Variants in LIPE observed in about 807,000 individuals in gnomAD.
LIPE encodes the protein lipase E, hormone sensitive type.
In LIPE, 66 loss-of-function variants were observed where a neutral mutation model predicts 88.5. The observed-to-expected ratio is 0.75, with a 90% confidence interval of 0.61 to 0.91. The LOEUF (loss-of-function observed/expected upper bound fraction) is 0.91. LIPE is among the 40% of genes least tolerant of loss of function. The pLI is 0.00. For synonymous variants in LIPE, 570 were observed against 617.5 expected (o/e 0.92, Z 1.14); for missense variants, 1,346 against 1,434.7 (o/e 0.94, Z 1.00).
chr19:42,423,036 C>G (rs1244608184), intron 1 of LIPE: 1 of 232,868 alleles, frequency 4.3e-6, no homozygotes, highest in African/African-American at 2.4e-5. Context: ...CCTCCTTCCC[C>G]CTTATCCTCT....
At position 42,410,594 on chromosome 19, in the gene LIPE, G is replaced by T. The variant is rs1307820705; in HGVS notation, c.1132C>A (p.His378Asn). ...TGCGCCAGGCAGCAGCGGGCTGTGT[G>T]CACTAGGCTGCGGTACCCGTTGGCC... ...TPANGYRSLV[H>N]TARCCLAHLL... The change falls in exon 2 of 10, where the codon CAC becomes AAC. Residue 378 changes from histidine to asparagine, a missense_variant. Coordinates refer to ENST00000244289, the MANE Select transcript of LIPE (RefSeq NM_005357.4). The surrounding 1 kb of genome is among the most constrained non-coding windows in gnomAD (Gnocchi z 6.1). The T allele has an allele frequency of 1.9e-6, 3 of 1,613,236 alleles. No homozygotes were observed. The highest frequency in any genetic ancestry group is 2.5e-6 in the Non-Finnish European group (3 of 1,179,958).
Position 42,401,657 on chromosome 19 carries a change from C to A in LIPE, c.*155G>T, listed in dbSNP as rs986777137. The A allele has an allele frequency of 3.4e-6, 2 of 590,964 alleles. No homozygotes were observed. The highest frequency in any genetic ancestry group is 5.6e-6 in the Non-Finnish European group (2 of 358,018). The allele number at this position is 590,964 out of a possible 1,614,324, so 36.6% of individuals were successfully genotyped here. On this transcript the variant is annotated 3_prime_UTR_variant, in exon 10 of 10. Coordinates refer to ENST00000244289, the MANE Select transcript of LIPE (RefSeq NM_005357.4). Reference sequence around the variant, plus strand: ...GCCGTCTCGGTGACCGGTGTGTGTGCGCGTCCCCCTCCCCGTGGCGAGGGT... The same window carrying A: ...GCCGTCTCGGTGACCGGTGTGTGTGAGCGTCCCCCTCCCCGTGGCGAGGGT...
rs750192801 is a variant in LIPE, at chr19:42,426,908, G to A, written c.242C>T (p.Ser81Phe). Residue 81 changes from serine to phenylalanine, a missense_variant, in exon 1 of 10, where the codon TCT becomes TTT. Coordinates refer to ENST00000244289, the MANE Select transcript of LIPE (RefSeq NM_005357.4). ...GGCAAGAAATTCCTCTTGTGAAGCA[G>A]ATTTTTGTTGGGCTCTAGGTTCCTT... ...SQKEPRAQQK[S>F]ASQEEFLAPQ... The A allele has an allele frequency of 2.5e-6, 4 of 1,614,196 alleles. No individual in the cohort carries two copies. The South Asian group carries it at 4.4e-5, about 18-fold the overall frequency.
chr19:42,426,492 G>C lies in LIPE; in HGVS notation c.658C>G (p.Leu220Val). The change falls in exon 1 of 10, where the codon CTA becomes GTA. Residue 220 changes from leucine (L) to valine (V), a missense_variant. Coordinates refer to ENST00000244289, the MANE Select transcript of LIPE (RefSeq NM_005357.4). ...LQELSIQRSA[L>V]EWKALSEWVT... ...CACTCAGAAAGTGCCTTCCACTCTA[G>C]GGCTGATCGCTGTATGGATAGTTCC... 6.2e-7 allele frequency: 1 copy of C among 1,614,188 alleles called. No homozygotes were observed. The highest frequency in any genetic ancestry group is 8.5e-7 in the Non-Finnish European group (1 of 1,180,028).
At position 42,410,696 on chromosome 19, in the gene LIPE, G is replaced by C; in HGVS notation, c.1030C>G (p.Gln344Glu). The C allele has an allele frequency of 6.2e-7, 1 of 1,613,316 alleles. No homozygotes were observed. Among genetic ancestry groups the C allele is most frequent in the South Asian group, 1.1e-5 (1 of 91,034 alleles). ...AGGGCCGGCTCCAGCCCCAGCGCCT[G>C]CTCCCGTACACCGGCAAAAACGCCT... The part of the protein sequence containing the change: ...LSGVFAGVRE[Q>E]ALGLEPALGR... Residue 344 changes from glutamine to glutamate, a missense_variant, in exon 2 of 10, where the codon CAG (glutamine) becomes GAG (glutamate). Physicochemically the swap from Gln to Glu is conservative, Grantham distance 29. Transcript: ENST00000244289. The surrounding 1 kb of genome is among the most constrained non-coding windows in gnomAD (Gnocchi z 6.1).
chr19:42,415,814 A>C (rs2040475668), intron 1 of LIPE, among the ~76,000 whole-genome samples: 1 of 151,912 alleles, frequency 6.6e-6, no homozygotes, highest in Non-Finnish European at 1.5e-5. Context: ...CGTCTGGAAA[A>C]AAAAAAAAAA....
At position 42,410,266 on chromosome 19, in the gene LIPE, C is replaced by G; in HGVS notation, c.1419+41G>C. The G allele has an allele frequency of 6.6e-7, 1 of 1,516,704 alleles. No homozygotes were observed. The highest frequency in any genetic ancestry group is 2.1e-5 in the Admixed American group (1 of 48,490). The allele number at this position is 1,516,704 out of a possible 1,614,324, so 94.0% of individuals were successfully genotyped here. ...GGCCAGGCCAGGGGCCACCAGGTGCCTTCATTGTGGGCCCAGAGGGGCACG... is the reference window on the plus strand; with the variant it reads ...GGCCAGGCCAGGGGCCACCAGGTGCGTTCATTGTGGGCCCAGAGGGGCACG... On this transcript the variant is annotated intron_variant, in intron 2 of 9. Coordinates refer to ENST00000244289, the MANE Select transcript of LIPE (RefSeq NM_005357.4). The surrounding 1 kb of genome is among the most constrained non-coding windows in gnomAD (Gnocchi z 6.1).
rs373855767 is a variant in LIPE at position 42,407,472 on chromosome 19, G to A, written c.1843-4C>T. The A allele has an allele frequency of 2.9e-5, 46 of 1,607,042 alleles. No individual in the cohort carries two copies. In the African/African-American group the frequency reaches 4.7e-4, roughly 16 times the overall value. Reference sequence around the variant, plus strand: ...GGCTGCTGAGCTCCTCACTGTCCTGGGGGTGAGGAGGGAGACGGTGTGTGA... The same window carrying A: ...GGCTGCTGAGCTCCTCACTGTCCTGAGGGTGAGGAGGGAGACGGTGTGTGA... On this transcript the variant is annotated splice_region_variant and splice_polypyrimidine_tract_variant and intron_variant, in intron 5 of 9. Transcript: ENST00000244289. The surrounding 1 kb of genome is among the most constrained non-coding windows in gnomAD (Gnocchi z 5.8).
intron 2 of LIPE, among the ~76,000 whole-genome samples, chr19:42,409,911 G>A (rs1288395097): frequency 2.0e-5 from 3 of 152,254 alleles, no homozygotes; most frequent in Middle Eastern, 3.4e-3. Context: ...GCTGAGGTGC[G>A]GGGAGGCCCA....
chr19:42,401,879 G>C lies in LIPE; in HGVS notation c.3164C>G (p.Ala1055Gly). The C allele has an allele frequency of 6.5e-7, 1 of 1,535,816 alleles. No individual in the cohort carries two copies. Among genetic ancestry groups the C allele is most frequent in the Non-Finnish European group, 8.7e-7 (1 of 1,146,690 alleles). The change falls in exon 10 of 10, where the codon GCC (alanine) becomes GGC (glycine). Residue 1055 changes from alanine (A) to glycine (G), a missense_variant. Physicochemically the swap from Ala to Gly is moderately conservative, Grantham distance 60 (BLOSUM62 0). Transcript: ENST00000244289. ...ERIRLVLTPP[A>G]GAGPSGETGA... Reference sequence around the variant, plus strand: ...CGTCTCCCCGCTCGGCCCGGCTCCGGCGGGAGGAGTGAGGACGAGGCGGAT... The same window carrying C: ...CGTCTCCCCGCTCGGCCCGGCTCCGCCGGGAGGAGTGAGGACGAGGCGGAT...
intron 1 of LIPE, chr19:42,425,228 A>G (rs1194005573): frequency 6.4e-6 from 1 of 156,128 alleles, no homozygotes; most frequent in Non-Finnish European, 1.4e-5. Flanking sequence ...TTTGTATTGT[A>G]TTGCTGGGAC....
At chr19:42,424,360 T>C (rs2040667119) in intron 1 of LIPE, 1 of 456,698 alleles carries the variant, frequency 2.2e-6, no homozygotes, top group Non-Finnish European at 4.4e-6. Flanking sequence ...AGCCAACTGC[T>C]TCTGGACCGC....
Position 42,426,803 on chromosome 19 carries a change from C to G in LIPE, c.347G>C (p.Gly116Ala), listed in dbSNP as rs764028897. 16 of 1,613,908 alleles carry G rather than the reference C, an allele frequency of 9.9e-6. No homozygotes were observed. The highest frequency in any genetic ancestry group is 1.3e-5 in the African/African-American group (1 of 74,870). The change falls in exon 1 of 10, where the codon GGA becomes GCA. Residue 116 changes from glycine to alanine, a missense_variant. Transcript: ENST00000244289. Reference sequence around the variant, plus strand: ...TATAGATTCTTTTCCTAGCCCAGGTCCCTGCTGGGAGGCAGCTTCCTGTTG... The same window carrying G: ...TATAGATTCTTTTCCTAGCCCAGGTGCCTGCTGGGAGGCAGCTTCCTGTTG... The part of the protein sequence containing the change: ...LTQQEAASQQ[G>A]PGLGKESITQ...
In LIPE at chr19:42,426,722, G is replaced by A; in HGVS notation, c.428C>T (p.Pro143Leu). 6.2e-7 allele frequency: 1 copy of A among 1,614,196 alleles called. No homozygotes were observed. The highest frequency in any genetic ancestry group is 8.5e-7 in the Non-Finnish European group (1 of 1,180,042). The change falls in exon 1 of 10, where the codon CCA (proline) becomes CTA (leucine). Residue 143 changes from proline (P) to leucine (L), a missense_variant. Physicochemically the swap from Pro to Leu is moderately conservative, Grantham distance 98. Coordinates refer to ENST00000244289, the MANE Select transcript of LIPE (RefSeq NM_005357.4). ...TTGTTGAGCTGGAGGTGGCTCTCCT[G>A]GCCCAGGCCCTGGCTGGGCTACATG... ...QRHVAQPGPG[P>L]GEPPPAQQEA... is the part of the protein sequence containing the mutation.
chr19:42,426,650 C>T lies in LIPE; in HGVS notation c.500G>A (p.Arg167Lys), dbSNP rs970114073. Residue 167 changes from arginine to lysine, a missense_variant, in exon 1 of 10, where the codon AGG (arginine) becomes AAG (lysine). Transcript: ENST00000244289. ...PAAQAKPGAK[R>K]EPSAPTESTS... is the part of the protein sequence containing the mutation. ...AGATTCAGTCGGGGCAGATGGCTCC[C>T]TTTTGGCTCCAGGTTTAGCCTGGGC... 1.2e-6 allele frequency: 2 copies of T among 1,614,076 alleles called. No individual in the cohort carries two copies. Among genetic ancestry groups the T allele is most frequent in the South Asian group, 2.2e-5 (2 of 91,084 alleles).
chr19:42,402,720 G>GGCTGGAGC lies in LIPE; in HGVS notation c.2846_2853dup (p.Gln952AlafsTer16), dbSNP rs773945877. 6.4e-7 allele frequency: 1 copy of GGCTGGAGC among 1,552,790 alleles called. No individual in the cohort carries two copies. On this transcript the variant is annotated frameshift_variant, in exon 9 of 10. Coordinates refer to ENST00000244289, the MANE Select transcript of LIPE (RefSeq NM_005357.4). LOFTEE classifies it high-confidence loss of function. ...TAGAGGGGCATCTGTGTGGCACCCTGGCTGGAGCGTCGGGGGTGGAAACCC... is the reference window on the plus strand; with the variant it reads ...TAGAGGGGCATCTGTGTGGCACCCTGGCTGGAGCGCTGGAGCGTCGGGGGTGGAAACCC...
rs937789609 is a variant in LIPE, at chr19:42,401,998, C to A, written c.3045G>T (p.Thr1015=). The change falls in exon 10 of 10, where the codon ACG becomes ACT. Residue 1015 remains threonine (T), a synonymous_variant. Coordinates refer to ENST00000244289, the MANE Select transcript of LIPE (RefSeq NM_005357.4). ...GCGGCAGGTCCTCCACCACGCGCAGCGTCACCGGCTGGCCCAGGTTGCGCA... is the reference window on the plus strand; with the variant it reads ...GCGGCAGGTCCTCCACCACGCGCAGAGTCACCGGCTGGCCCAGGTTGCGCA... The part of the protein sequence containing the change: ...RRLRNLGQPV[T]LRVVEDLPHG... 9.0e-6 allele frequency: 14 copies of A among 1,553,494 alleles called. No homozygotes were observed. The highest frequency in any genetic ancestry group is 1.2e-5 in the Non-Finnish European group (14 of 1,151,346).
Position 42,426,534 on chromosome 19 carries a change from A to G in LIPE, c.616T>C (p.Phe206Leu). 6.2e-7 allele frequency: 1 copy of G among 1,614,152 alleles called. No individual in the cohort carries two copies. The highest frequency in any genetic ancestry group is 1.1e-5 in the South Asian group (1 of 91,076). ...SKQGSLTELGFLTKLQELSIQ... is the reference protein window; with the variant it reads ...SKQGSLTELGLLTKLQELSIQ... ...GATAGTTCCTGAAGTTTTGTTAGAA[A>G]TCCCAGCTCTGTCAAAGATCCCTGC... Residue 206 changes from phenylalanine to leucine, a missense_variant, in exon 1 of 10, where the codon TTT (phenylalanine) becomes CTT (leucine). Transcript: ENST00000244289.
intron 8 of LIPE, among the ~76,000 whole-genome samples, chr19:42,404,684 A>G (rs1163811417): frequency 6.6e-6 from 1 of 152,196 alleles, no homozygotes; most frequent in Non-Finnish European, 1.5e-5. Context: ...TTATAAATCT[A>G]CGAAGGTGAG....
Sources: allele counts gnomAD v4.1 joint callset (sites outside exome capture counted in the v4.1 genomes callset), GRCh38; gene constraint gnomAD v4.1.1; non-coding constraint Gnocchi (gnomAD v3.1); transcripts MANE v1.5; gene names NCBI Gene and HGNC (gene_info 2026-07-23, HGNC 2026-07-21).